FAM83E: variants seen among roughly 807,000 people sequenced by gnomAD.
FAM83E encodes protein FAM83E.
In FAM83E, 29 loss-of-function variants were observed where a neutral mutation model predicts 34.3. The observed-to-expected ratio is 0.85, with a 90% CI of 0.63 to 1.15. The LOEUF (loss-of-function observed/expected upper bound fraction) is 1.15. Among genes scored for constraint, FAM83E ranks in the 50% most tolerant of loss-of-function variants. FAM83E has a pLI of 0.00. For synonymous variants in FAM83E, 312 were observed against 311.6 expected, an observed-to-expected ratio of 1.00 and a Z score of -0.01; for missense variants, 697 against 685.0, an observed-to-expected ratio of 1.02 and a Z score of -0.20.
rs200269005 is a variant in FAM83E at position 48,603,570 on chromosome 19, G to A, written c.1100C>T (p.Pro367Leu). Residue 367 changes from proline (P) to leucine (L), a missense_variant, in exon 6 of 7, where the codon CCG becomes CTG. Transcript: ENST00000263266. ...VQRARTPSGP[P>L]ARPSRSMWDL... ...CCACATGGAGCGGCTGGGCCGGGCC[G>A]GGGGGCCGCTGGGGGTCCGGGCGCG... 407 of 1,551,718 alleles carry A rather than the reference G, an allele frequency of 2.6e-4. 1 individual carries two copies. The African/African-American group carries it at 3.7e-3, about 14-fold the overall frequency.
rs745708529 is a variant in FAM83E at position 48,613,016 on chromosome 19, G to T, written c.357C>A (p.Asp119Glu). 6.2e-7 allele frequency: 1 copy of T among 1,604,384 alleles called. No homozygotes were observed. Among genetic ancestry groups the T allele is most frequent in the Non-Finnish European group, 8.5e-7 (1 of 1,176,588 alleles). ...APVLRLGWPV[D>E]SAWKGITRAQ... is the part of the protein sequence containing the mutation. ...CCCGGGTGATGCCTTTCCACGCAGA[G>T]TCCACTGGCCAGCCCAGCCGCAGGA... The change falls in exon 3 of 7, where the codon GAC becomes GAA. Residue 119 changes from aspartate (D) to glutamate (E), a missense_variant. By Grantham distance (45) the Asp-to-Glu change is conservative. Transcript: ENST00000263266.
chr19:48,610,888 C>T, intron 3 of FAM83E, 41 bp from the exon 4 acceptor site: 1 of 1,559,604 alleles, frequency 6.4e-7, no homozygotes, highest in Non-Finnish European at 8.7e-7. Flanking sequence ...TGAACGGAAG[C>T]TGGCTCAGGG....
rs1158502111 is a variant in FAM83E at position 48,600,046 on chromosome 19, A to G, written c.*1063T>C. 2.0e-5 allele frequency among the ~76,000 whole-genome samples: 3 copies of G among 152,160 alleles called. No homozygotes were observed. Among genetic ancestry groups the G allele is most frequent in the Admixed American group, 6.5e-5 (1 of 15,280 alleles). On this transcript the variant is annotated 3_prime_UTR_variant, in exon 7 of 7. Coordinates refer to ENST00000263266, the MANE Select transcript of FAM83E (RefSeq NM_017708.4). ...CCTCTCAGCGCCCACAGAAAGTCCC[A>G]CCACCCACCCTGTTCCCCTGTGGCT...
At chr19:48,609,749 T>G in intron 5 of FAM83E, 127 bp downstream of exon 5, 1 of 1,078,688 alleles carries the variant, frequency 9.3e-7, no homozygotes, top group African/African-American at 1.5e-5. Flanking sequence ...GGGAAGAGTG[T>G]TTTGCCCCCA....
chr19:48,603,396 G>A lies in FAM83E; in HGVS notation c.1176+98C>T, dbSNP rs1414950352. On this transcript the variant is annotated intron_variant, in intron 6 of 6. Transcript: ENST00000263266. Reference sequence around the variant, plus strand: ...AGGCCCTCAGGAAACGCCTGCTCTGGCTGGGAGCAGGGCCCCTGGAGCCTG... The same window carrying A: ...AGGCCCTCAGGAAACGCCTGCTCTGACTGGGAGCAGGGCCCCTGGAGCCTG... 5.9e-6 allele frequency: 7 copies of A among 1,195,004 alleles called. No individual in the cohort carries two copies. The African/African-American group carries it at 9.5e-5, about 16-fold the overall frequency. The allele number at this position is 1,195,004 out of a possible 1,614,324, so 74.0% of individuals were successfully genotyped here. A position where few individuals can be genotyped will look rare whatever the true frequency, so the allele number is the denominator to read the frequency against.
rs186446771 is a variant in FAM83E at position 48,603,770 on chromosome 19, C to A, written c.900G>T (p.Ser300=). The change falls in exon 6 of 7, where the codon TCG becomes TCT. Residue 300 remains serine, a synonymous_variant. Transcript: ENST00000263266. The stretch of plus-strand genomic sequence containing the variant: ...GGCCCCGCTGCAGGCCACCTATGAC[C>A]GAGGGTTTCTGGGGGGGCGCAGGTG... ...PLPPAPPQKP[S]VIGGLQRGRS... The A allele has an allele frequency of 1.9e-6, 3 of 1,586,898 alleles. No homozygotes were observed. Among genetic ancestry groups the A allele is most frequent in the Non-Finnish European group, 8.6e-7 (1 of 1,169,146 alleles).
At chr19:48,609,107 A>T (rs550504032) in intron 5 of FAM83E, among the ~76,000 whole-genome samples, 8 of 152,192 alleles carry the variant, frequency 5.3e-5, no homozygotes, top group Non-Finnish European at 1.2e-4. Flanking sequence ...TGAGGCACAG[A>T]GAGGTGAAGT....
At chr19:48,606,530 C>A (rs1012262568) in intron 5 of FAM83E, among the ~76,000 whole-genome samples, 1 of 152,184 alleles carries the variant, frequency 6.6e-6, no homozygotes, top group Non-Finnish European at 1.5e-5. Flanking sequence ...AAGCCCTTGG[C>A]GGGTGTACAG....
intron 6 of FAM83E, among the ~76,000 whole-genome samples, chr19:48,601,578 A>T (rs1973816384): frequency 6.6e-6 from 1 of 151,746 alleles, no homozygotes; most frequent in Non-Finnish European, 1.5e-5. Flanking sequence ...CAGCCTGGCC[A>T]ACATGGTGAA....
intron 6 of FAM83E, among the ~76,000 whole-genome samples, chr19:48,602,683 T>C (rs1305949107): frequency 3.2e-5 from 1 of 31,618 alleles, no homozygotes; most frequent in Non-Finnish European, 4.6e-5. Context: ...CAAGACCCTA[T>C]CTCAAAAAAA....
Position 48,603,860 on chromosome 19 carries a change from A to G in FAM83E, c.810T>C (p.Thr270=), listed in dbSNP as rs1349579241. The change falls in exon 6 of 7, where the codon ACT becomes ACC. Residue 270 remains threonine (T), a synonymous_variant. Transcript: ENST00000263266. The part of the protein sequence containing the change: ...RLHRGLVTLL[T]GEIVDAFSLE... ...GGCTGAAGGCGTCAACAATTTCACC[A>G]GTCAGCAGGGTCACCAGGCCTCGGT... 2.5e-6 allele frequency: 4 copies of G among 1,608,772 alleles called. No individual in the cohort carries two copies. The highest frequency in any genetic ancestry group is 3.4e-6 in the Non-Finnish European group (4 of 1,177,574).
intron 5 of FAM83E, chr19:48,607,193 G>C: frequency 6.2e-7 from 1 of 1,613,264 alleles, no homozygotes; most frequent in African/African-American, 1.3e-5. Context: ...ACCAGCTGCG[G>C]CCTTGAGGAA....
Position 48,606,924 on chromosome 19 carries a change from G to A in FAM83E, c.758+2952C>T, listed in dbSNP as rs1973941012. Reference sequence around the variant, plus strand: ...GAGGTCCTTCATTCAGCGGTTCCGGGAGGTCTGGGAAGCCCACGGCCTGGC... The same window carrying A: ...GAGGTCCTTCATTCAGCGGTTCCGGAAGGTCTGGGAAGCCCACGGCCTGGC... On this transcript the variant is annotated intron_variant, in intron 5 of 6. Coordinates refer to ENST00000263266, the MANE Select transcript of FAM83E (RefSeq NM_017708.4). 5.7e-6 allele frequency: 9 copies of A among 1,576,368 alleles called. No homozygotes were observed. The South Asian group carries it at 7.9e-5, about 14-fold the overall frequency.
In FAM83E at chr19:48,609,979, G is replaced by A. The variant is rs757251950; in HGVS notation, c.655C>T (p.Arg219Trp). 9.3e-6 allele frequency: 15 copies of A among 1,612,312 alleles called. No homozygotes were observed. Among genetic ancestry groups the A allele is most frequent in the South Asian group, 2.2e-5 (2 of 91,056 alleles). ...NTENVDVRVV[R>W]GCSFQSRWRR... Reference sequence around the variant, plus strand: ...CAGCGGCTCTGGAAGCTGCAGCCCCGCACGACACGGACATCCACGTTCTGT... The same window carrying A: ...CAGCGGCTCTGGAAGCTGCAGCCCCACACGACACGGACATCCACGTTCTGT... The change falls in exon 5 of 7, where the codon CGG becomes TGG. Residue 219 changes from arginine to tryptophan, a missense_variant. Transcript: ENST00000263266.
chr19:48,609,265 C>CTTTTTTTTTTTTTTTTTTTTTTT, intron 5 of FAM83E, among the ~76,000 whole-genome samples: 1 of 99,692 alleles, frequency 1.0e-5, no homozygotes, highest in Non-Finnish European at 1.9e-5. Context: ...TTCTTTCTTT[C>CTTTTTTTTTTTTTTTTTTTTTTT]TTTTTTTTTT....
intron 3 of FAM83E, 145 bp downstream of exon 3, chr19:48,612,763 T>C: frequency 3.2e-6 from 3 of 935,914 alleles, no homozygotes; most frequent in Non-Finnish European, 4.6e-6. Flanking sequence ...GTCCTGGGGC[T>C]GGAAGGTGTG....
intron 5 of FAM83E, 76 bp downstream of exon 5, chr19:48,609,800 C>T: frequency 6.7e-7 from 1 of 1,494,810 alleles, no homozygotes. Context: ...AAGGGGATGC[C>T]AGCTGTTCTC....
chr19:48,603,614 G>C lies in FAM83E; in HGVS notation c.1056C>G (p.Asp352Glu), dbSNP rs759666481. Reference protein sequence around the residue: ...SPATPGPALSDILRSVQRART... With the variant: ...SPATPGPALSEILRSVQRART... ...GGGCGCGCTGCACACTCCTTAGAAT[G>C]TCACTGAGTGCCGGCCCCGGGGTAG... is the stretch of plus-strand genomic sequence containing the variant. Residue 352 changes from aspartate (D) to glutamate (E), a missense_variant, in exon 6 of 7, where the codon GAC becomes GAG. Physicochemically the swap from Asp to Glu is conservative, Grantham distance 45. Coordinates refer to ENST00000263266, the MANE Select transcript of FAM83E (RefSeq NM_017708.4). 1 of 1,456,584 alleles carries C rather than the reference G, an allele frequency of 6.9e-7. No homozygotes were observed. Among genetic ancestry groups the C allele is most frequent in the Non-Finnish European group, 9.0e-7 (1 of 1,108,092 alleles). The allele number at this position is 1,456,584 out of a possible 1,614,324, so 90.2% of individuals were successfully genotyped here.
At position 48,603,591 on chromosome 19, in the gene FAM83E, G is replaced by T; in HGVS notation, c.1079C>A (p.Ala360Asp). The T allele has an allele frequency of 6.5e-7, 1 of 1,543,578 alleles. No homozygotes were observed. Among genetic ancestry groups the T allele is most frequent in the Non-Finnish European group, 8.7e-7 (1 of 1,154,106 alleles). ...GGCCGGGGGGCCGCTGGGGGTCCGG[G>T]CGCGCTGCACACTCCTTAGAATGTC... ...LSDILRSVQR[A>D]RTPSGPPARP... The change falls in exon 6 of 7, where the codon GCC (alanine) becomes GAC (aspartate). Residue 360 changes from alanine (A) to aspartate (D), a missense_variant. Ala to Asp is a moderately radical substitution (Grantham distance 126, BLOSUM62 -2). Transcript: ENST00000263266.
Sources: gnomAD v4.1 joint callset for allele counts (sites outside exome capture counted in the v4.1 genomes callset) on GRCh38, gnomAD v4.1.1 for gene constraint, MANE v1.5 for transcripts, NCBI Gene and HGNC (gene_info 2026-07-23, HGNC 2026-07-21) for gene names.